Variants in TLK2 observed in about 807,000 individuals in gnomAD.
TLK2 encodes the protein serine/threonine-protein kinase tousled-like 2.
TLK2 carries 6 observed loss-of-function variants against 117.3 expected under a neutral mutation model. The observed-to-expected ratio is 0.05, with a 90% confidence interval of 0.03 to 0.10. The LOEUF (loss-of-function observed/expected upper bound fraction) is 0.10, where lower values mean the gene tolerates loss of function less well. TLK2 is among the 10% of genes least tolerant of loss of function. The probability of loss-of-function intolerance (pLI) is 1.00; values close to 1 mark genes in which losing one functional copy is unlikely to be tolerated. For missense variants in TLK2, 299 were observed against 901.2 expected (o/e 0.33, Z 8.56); for synonymous variants, 257 against 316.7 (o/e 0.81, Z 2.00).
chr17:62,489,466 C>T (rs533576532), intron 2 of TLK2, among the ~76,000 whole-genome samples: 2 of 152,272 alleles, frequency 1.3e-5, no homozygotes, highest in South Asian at 4.1e-4. Flanking sequence ...GCCTTGGCCT[C>T]CCAAAGTGCT....
intron 12 of TLK2, among the ~76,000 whole-genome samples, chr17:62,575,647 T>C (rs1253845890): frequency 6.6e-6 from 1 of 152,132 alleles, no homozygotes; most frequent in African/African-American, 2.4e-5. Flanking sequence ...GTTCATCTTT[T>C]TTTCTTTTAT....
At chr17:62,548,947 G>C (rs569580091) in intron 7 of TLK2, among the ~76,000 whole-genome samples, 1 of 150,488 alleles carries the variant, frequency 6.6e-6, no homozygotes, top group Admixed American at 6.6e-5. Context: ...CACCATGTTG[G>C]CCAGGCTGGT....
intron 15 of TLK2, among the ~76,000 whole-genome samples, chr17:62,580,572 GT>G (rs889269043): frequency 2.6e-5 from 4 of 152,012 alleles, no homozygotes; most frequent in African/African-American, 7.3e-5. Flanking sequence ...ATAAGAATAG[GT>G]TTTTTTCCAT....
intron 2 of TLK2, among the ~76,000 whole-genome samples, chr17:62,491,062 T>C (rs894837865): frequency 6.6e-6 from 1 of 152,198 alleles, no homozygotes; most frequent in Non-Finnish European, 1.5e-5. Context: ...GTTCTGGTCT[T>C]GTGTCTCTGG....
In TLK2 at chr17:62,537,536, A is replaced by T. The variant is rs114868008; in HGVS notation, c.531+1199A>T. 5.7e-3 allele frequency among the ~76,000 whole-genome samples: 870 copies of T among 152,146 alleles called. 7 individuals are homozygous for T. Among genetic ancestry groups the T allele is most frequent in the African/African-American group, 0.02 (829 of 41,486 alleles). On this transcript the variant is annotated intron_variant, in intron 7 of 21. Transcript: ENST00000346027. The stretch of plus-strand genomic sequence containing the variant: ...TCCCAGAGATGTGTGCATTAGGTTC[A>T]CTGGTGTGTCTACGGAGTCCCAGTC...
chr17:62,568,320 T>C (rs952346497), intron 11 of TLK2, among the ~76,000 whole-genome samples: 5 of 151,056 alleles, frequency 3.3e-5, no homozygotes, highest in Non-Finnish European at 5.9e-5. Flanking sequence ...TAATCCCAGC[T>C]ACTCGGCAGG....
intron 17 of TLK2, 127 bp from the exon 18 acceptor site, chr17:62,600,524 A>G: frequency 1.3e-6 from 1 of 771,326 alleles, no homozygotes; most frequent in Non-Finnish European, 2.0e-6. Flanking sequence ...ATTGAAGAGT[A>G]TTTTAAGGAA....
chr17:62,549,417 A>AAAAAAAAAAG (rs2078226152), intron 7 of TLK2, among the ~76,000 whole-genome samples: 1 of 32,600 alleles, frequency 3.1e-5, no homozygotes, highest in Non-Finnish European at 7.4e-5. Context: ...AAAAAAAAAA[A>AAAAAAAAAAG]AAAAAAAAAA....
chr17:62,542,786 C>CT (rs2077630601), intron 7 of TLK2, among the ~76,000 whole-genome samples: 2 of 152,190 alleles, frequency 1.3e-5, no homozygotes, highest in South Asian at 2.1e-4. Flanking sequence ...AAACTTGTGT[C>CT]TTTTAACATT....
rs1567854400 is a variant in TLK2, at chr17:62,527,664, G to C, written c.363+3333G>C. On this transcript the variant is annotated intron_variant, in intron 6 of 21. Transcript: ENST00000346027. ...ATAGGTCATTTATTTTCATTGGTGT[G>C]TTATAAGTTTAATTTTCATTTAATA... is the stretch of plus-strand genomic sequence containing the variant. 2.0e-5 allele frequency among the ~76,000 whole-genome samples: 3 copies of C among 151,852 alleles called. No homozygotes were observed. The South Asian group carries it at 6.2e-4, about 32-fold the overall frequency.
rs2070943635 is a variant in TLK2 at position 62,471,756 on chromosome 17, G to A, written c.-205+678G>A. On this transcript the variant is annotated intron_variant, in intron 1 of 4. Coordinates refer to the TLK2 transcript ENST00000579450. The stretch of plus-strand genomic sequence containing the variant: ...CCTTTCAGAAGTGAACCCCAGAAGA[G>A]TAGCAAATACTGCCTGGCCTTTTGG... Among the ~76,000 whole-genome samples the A allele has an allele frequency of 4.6e-5, 7 of 152,068 alleles. 1 individual carries two copies. The South Asian group carries it at 1.4e-3, about 31-fold the overall frequency.
intron 10 of TLK2, among the ~76,000 whole-genome samples, chr17:62,560,550 T>TA (rs36052951): frequency 0.63 from 96,455 of 152,006 alleles, 30,779 homozygotes; most frequent in East Asian, 0.81. Flanking sequence ...ATTAAAAAAT[T>TA]AAAGTTGTCA....
intron 14 of TLK2, among the ~76,000 whole-genome samples, chr17:62,579,011 G>T (rs2081020758): frequency 6.6e-6 from 1 of 152,180 alleles, no homozygotes; most frequent in Non-Finnish European, 1.5e-5. Flanking sequence ...GAGATTTTAA[G>T]TAAGACTCTT....
rs754418942 is a variant in TLK2 at position 62,532,994 on chromosome 17, C to A, written c.364-3176C>A. Among the ~76,000 whole-genome samples the A allele has an allele frequency of 6.6e-5, 10 of 151,926 alleles. No homozygotes were observed. The South Asian group carries it at 2.1e-3, about 32-fold the overall frequency. On this transcript the variant is annotated intron_variant, in intron 6 of 21. Transcript: ENST00000346027. ...TAACCTTTGGCATAAAGAAAAATAC[C>A]TTGTTTTAACTTGCATTTGTTCATT...
intron 2 of TLK2, among the ~76,000 whole-genome samples, chr17:62,486,150 T>C (rs2072347378): frequency 6.6e-6 from 1 of 151,798 alleles, no homozygotes; most frequent in Non-Finnish European, 1.5e-5. Flanking sequence ...TGACTTGACA[T>C]GTGAGCTGTC....
At chr17:62,587,189 G>T (rs776637434) in intron 16 of TLK2, among the ~76,000 whole-genome samples, 5 of 152,148 alleles carry the variant, frequency 3.3e-5, no homozygotes, top group Non-Finnish European at 7.4e-5. Flanking sequence ...GTCAGGTTTT[G>T]CCTATATCTC....
At chr17:62,490,817 C>T (rs1013371044) in intron 2 of TLK2, among the ~76,000 whole-genome samples, 2 of 152,248 alleles carry the variant, frequency 1.3e-5, no homozygotes, top group Non-Finnish European at 2.9e-5. Flanking sequence ...GCTGGGATTA[C>T]AGGCATGAGC....
At chr17:62,540,488 C>G (rs1174356279) in intron 7 of TLK2, among the ~76,000 whole-genome samples, 9 of 140,590 alleles carry the variant, frequency 6.4e-5, no homozygotes, top group African/African-American at 2.3e-4. Flanking sequence ...ACTTCCACCT[C>G]CCAGGTTCAA....
At chr17:62,579,965 A>T (rs1262274985) in intron 14 of TLK2, 146 bp from the exon 15 acceptor site, 2 of 596,752 alleles carry the variant, frequency 3.4e-6, no homozygotes, top group Non-Finnish European at 5.9e-6. Flanking sequence ...CTTTATACTC[A>T]GTATTTGCCA....
Sources: gnomAD v4.1 joint callset for allele counts (sites outside exome capture counted in the v4.1 genomes callset) on GRCh38, gnomAD v4.1.1 for gene constraint, MANE v1.5 for transcripts, NCBI Gene and HGNC (gene_info 2026-07-23, HGNC 2026-07-21) for gene names.